NSMCE2: variants seen among roughly 807,000 people sequenced by gnomAD.
The protein encoded by NSMCE2 is E3 SUMO-protein ligase NSE2.
Under a neutral mutation model 23.8 loss-of-function variants are expected in NSMCE2, and 24 were observed. The observed-to-expected ratio is 1.01, with a 90% CI of 0.73 to 1.42. The LOEUF (loss-of-function observed/expected upper bound fraction) is 1.42, where lower values mean the gene tolerates loss of function less well. NSMCE2 is among the 40% of genes most tolerant of loss of function. The pLI, the probability that NSMCE2 is intolerant of heterozygous loss-of-function variation, is 0.00. For synonymous variants in NSMCE2, 92 were observed against 94.1 expected (o/e 0.98, Z 0.13); for missense variants, 284 against 296.5 (o/e 0.96, Z 0.31).
At chr8:125,266,025 G>A (rs1826896112) in intron 5 of NSMCE2, among the ~76,000 whole-genome samples, 1 of 151,794 alleles carries the variant, frequency 6.6e-6, no homozygotes, top group Non-Finnish European at 1.5e-5. Context: ...AAAATCCTGT[G>A]ACCCGAATAA....
rs186978423 is a variant in NSMCE2 at position 125,258,956 on chromosome 8, G to A, written c.418+76700G>A. 3.9e-5 allele frequency among the ~76,000 whole-genome samples: 6 copies of A among 152,284 alleles called. No individual in the cohort carries two copies. In the East Asian group the frequency reaches 1.2e-3, roughly 29 times the overall value. The stretch of plus-strand genomic sequence containing the variant: ...TTGCTCTTGTTGCCCAGGCTGTAGT[G>A]CAATGGCACGATCTCGGCTCACTGC... On this transcript the variant is annotated intron_variant, in intron 5 of 7. Coordinates refer to ENST00000287437, the MANE Select transcript of NSMCE2 (RefSeq NM_173685.4).
At chr8:125,302,888 T>C (rs768874698) in intron 5 of NSMCE2, among the ~76,000 whole-genome samples, 2 of 152,172 alleles carry the variant, frequency 1.3e-5, no homozygotes, top group Non-Finnish European at 2.9e-5. Flanking sequence ...TTGGTGCCTG[T>C]GCCTCCAAAC....
In NSMCE2 at chr8:125,343,857, T is replaced by A. The variant is rs1830336509; in HGVS notation, c.419-13362T>A. The stretch of plus-strand genomic sequence containing the variant: ...AAAAAATAAGAAAAATAAAAAAAAA[T>A]TAGCTGGACGTGGTGGCGGGCGCCT... On this transcript the variant is annotated intron_variant, in intron 5 of 7. Transcript: ENST00000287437. Among the ~76,000 whole-genome samples, 4 of 151,532 alleles carry A rather than the reference T, an allele frequency of 2.6e-5. No homozygotes were observed. The South Asian group carries it at 8.3e-4, about 32-fold the overall frequency.
chr8:125,271,392 G>A (rs919114668), intron 5 of NSMCE2, among the ~76,000 whole-genome samples: 2 of 152,104 alleles, frequency 1.3e-5, no homozygotes, highest in Non-Finnish European at 1.5e-5. Context: ...AAAGATATTT[G>A]GAATGTTGTG....
intron 5 of NSMCE2, among the ~76,000 whole-genome samples, chr8:125,257,644 C>A (rs879842496): frequency 1.1e-4 from 16 of 150,940 alleles, no homozygotes; most frequent in Non-Finnish European, 2.1e-4. Flanking sequence ...CGCCATTCTC[C>A]TGCCTCAGCC....
chr8:125,210,450 G>C (rs1010497648), intron 5 of NSMCE2, among the ~76,000 whole-genome samples: 2 of 152,110 alleles, frequency 1.3e-5, no homozygotes, highest in Non-Finnish European at 2.9e-5. Context: ...GTCCTCAGCA[G>C]CTTATGATAG....
intron 5 of NSMCE2, among the ~76,000 whole-genome samples, chr8:125,214,510 G>A (rs2130896542): frequency 6.6e-6 from 1 of 152,268 alleles, no homozygotes; most frequent in Admixed American, 6.5e-5. Flanking sequence ...CTACGTGAAA[G>A]AAAGGAGTTT....
intron 5 of NSMCE2, among the ~76,000 whole-genome samples, chr8:125,240,848 A>AGTTT (rs1825740572): frequency 6.6e-6 from 1 of 152,210 alleles, no homozygotes; most frequent in Admixed American, 6.5e-5. Context: ...AAAAAGGTAT[A>AGTTT]TAAACACAAA....
intron 5 of NSMCE2, among the ~76,000 whole-genome samples, chr8:125,316,462 G>A (rs1224591519): frequency 2.0e-5 from 3 of 152,194 alleles, no homozygotes; most frequent in Non-Finnish European, 4.4e-5. Flanking sequence ...ACGTGCATTG[G>A]TCAGAAGCTG....
At chr8:125,249,096 G>A (rs895953532) in intron 5 of NSMCE2, among the ~76,000 whole-genome samples, 25 of 151,590 alleles carry the variant, frequency 1.6e-4, no homozygotes, top group Admixed American at 1.4e-3. Context: ...TTTTGAACCA[G>A]AGAGGCAGAG....
In NSMCE2 at chr8:125,232,823, CTAAT is replaced by C. The variant is rs1161601706; in HGVS notation, c.418+50570_418+50573del. On this transcript the variant is annotated intron_variant, in intron 5 of 7. Coordinates refer to ENST00000287437, the MANE Select transcript of NSMCE2 (RefSeq NM_173685.4). The stretch of plus-strand genomic sequence containing the variant: ...ATACTTTTAATATTCTTTTAAAAAT[CTAAT>C]TATAAGTACTAAAAAAGATAGGTTG... 1.3e-5 allele frequency among the ~76,000 whole-genome samples: 2 copies of C among 151,642 alleles called. 1 individual carries two copies. The highest frequency in any genetic ancestry group is 2.9e-5 in the Non-Finnish European group (2 of 67,914).
intron 4 of NSMCE2, among the ~76,000 whole-genome samples, chr8:125,155,174 A>C (rs1301448867): frequency 6.6e-6 from 1 of 152,238 alleles, no homozygotes; most frequent in African/African-American, 2.4e-5. Flanking sequence ...TGTGCTACAA[A>C]TTAAAAATAA....
intron 5 of NSMCE2, among the ~76,000 whole-genome samples, chr8:125,297,492 T>C (rs977873453): frequency 6.6e-6 from 1 of 152,204 alleles, no homozygotes; most frequent in African/African-American, 2.4e-5. Flanking sequence ...TAAGGCCTGC[T>C]TCTCCACATT....
chr8:125,094,122 G>A (rs1817816100), intron 1 of NSMCE2, among the ~76,000 whole-genome samples: 1 of 152,106 alleles, frequency 6.6e-6, no homozygotes, highest in African/African-American at 2.4e-5. Context: ...GTCTGGAGCT[G>A]AGATTAAGAA....
chr8:125,197,440 T>C (rs1375352776), intron 5 of NSMCE2, among the ~76,000 whole-genome samples: 4 of 152,214 alleles, frequency 2.6e-5, no homozygotes, highest in Non-Finnish European at 4.4e-5. Flanking sequence ...CCCAGCACCA[T>C]TTATTAAATA....
intron 3 of NSMCE2, among the ~76,000 whole-genome samples, chr8:125,136,249 A>G (rs1820061983): frequency 6.6e-6 from 1 of 152,212 alleles, no homozygotes; most frequent in African/African-American, 2.4e-5. Context: ...TGGCAACATC[A>G]TGGAAGAACT....
intron 5 of NSMCE2, among the ~76,000 whole-genome samples, chr8:125,320,291 AGGAAGGAAGGAAGGAAG>A (rs1322493005): frequency 5.2e-4 from 52 of 99,654 alleles, no homozygotes; most frequent in African/African-American, 1.4e-3. Context: ...GAAGGAAGGA[AGGAAGGAAGGAAGGAAG>A]GGAAGGGAAG....
At chr8:125,101,040 C>T (rs1818162602) in intron 1 of NSMCE2, among the ~76,000 whole-genome samples, 2 of 152,208 alleles carry the variant, frequency 1.3e-5, no homozygotes, top group South Asian at 2.1e-4. Flanking sequence ...AATATTTGAA[C>T]TGACAATGAG....
intron 3 of NSMCE2, among the ~76,000 whole-genome samples, chr8:125,113,880 G>C (rs1222656934): frequency 1.3e-5 from 2 of 152,140 alleles, no homozygotes; most frequent in Non-Finnish European, 2.9e-5. Context: ...AGGTTTAGCA[G>C]GTTCTAGGAT....
Sources: allele counts gnomAD v4.1 joint callset (sites outside exome capture counted in the v4.1 genomes callset), GRCh38; gene constraint gnomAD v4.1.1; transcripts MANE v1.5; gene names NCBI Gene and HGNC (gene_info 2026-07-23, HGNC 2026-07-21).